The following GFRAL variants were observed in gnomAD, a reference collection of about 807,000 sequenced individuals.
GFRAL encodes GDNF family receptor alpha like.
A neutral mutation model predicts 45.4 loss-of-function variants in GFRAL; 36 were observed. The observed-to-expected ratio is 0.79, with a 90% CI of 0.61 to 1.05. The LOEUF (loss-of-function observed/expected upper bound fraction) is 1.05. GFRAL is among the 50% of genes least tolerant of loss of function. GFRAL has a pLI of 0.00. For missense variants in GFRAL, 507 were observed against 467.5 expected (o/e 1.08, Z -0.78); for synonymous variants, 166 against 154.1 (o/e 1.08, Z -0.57).
intron 6 of GFRAL, among the ~76,000 whole-genome samples, chr6:55,398,610 TAAAA>T (rs1376651175): frequency 6.6e-6 from 1 of 152,164 alleles, no homozygotes; most frequent in Admixed American, 6.5e-5. Context: ...GCATGATTTC[TAAAA>T]TTGTGAGCTA....
chr6:55,333,259 A>T (rs75182097), intron 2 of GFRAL, among the ~76,000 whole-genome samples: 2,192 of 152,238 alleles, frequency 0.014, 49 homozygotes, highest in African/African-American at 0.051. Context: ...AGGATTACAT[A>T]TTTTTAAATT....
chr6:55,333,838 C>A lies in GFRAL; in HGVS notation c.210C>A (p.Ile70=). 1 of 1,609,692 alleles carries A rather than the reference C, an allele frequency of 6.2e-7. No individual in the cohort carries two copies. The highest frequency in any genetic ancestry group is 8.5e-7 in the Non-Finnish European group (1 of 1,176,952). Residue 70 remains isoleucine (I), a synonymous_variant, in exon 3 of 9, where the codon ATC becomes ATA. Coordinates refer to ENST00000340465, the MANE Select transcript of GFRAL (RefSeq NM_207410.2). ...ATTCATCATACTGTAACCTGAGTAT[C>A]CAGTACTTAGTGGAAAGCAATTTCC... The part of the protein sequence containing the change: ...MRNSSYCNLS[I]QYLVESNFQF...
chr6:55,328,844 T>C (rs1767797103), intron 1 of GFRAL, among the ~76,000 whole-genome samples: 1 of 152,068 alleles, frequency 6.6e-6, no homozygotes, highest in Non-Finnish European at 1.5e-5. Context: ...CTATTTGATA[T>C]GTTGTACCAA....
At chr6:55,363,588 T>TG (rs1768309766) in intron 6 of GFRAL, among the ~76,000 whole-genome samples, 1 of 103,800 alleles carries the variant, frequency 9.6e-6, no homozygotes, top group Non-Finnish European at 1.9e-5. Context: ...CCCTCCCCCC[T>TG]CCCCCCACCC....
intron 3 of GFRAL, among the ~76,000 whole-genome samples, chr6:55,342,333 A>G (rs1207711565): frequency 6.6e-6 from 1 of 152,252 alleles, no homozygotes; most frequent in Non-Finnish European, 1.5e-5. Context: ...CTCTCGGCAG[A>G]AACTCTACAA....
intron 6 of GFRAL, among the ~76,000 whole-genome samples, chr6:55,369,294 CT>C (rs1403390850): frequency 6.2e-4 from 94 of 152,336 alleles, no homozygotes; most frequent in African/African-American, 2.2e-3. Context: ...CCTCGCCCTG[CT>C]TCGGCTCACG....
chr6:55,376,774 T>G (rs1562061259), intron 6 of GFRAL, among the ~76,000 whole-genome samples: 1 of 151,914 alleles, frequency 6.6e-6, no homozygotes, highest in Admixed American at 6.6e-5. Context: ...CTATTTTATC[T>G]AAAAAAATGG....
chr6:55,364,522 G>C (rs1431014084), intron 6 of GFRAL, among the ~76,000 whole-genome samples: 1 of 144,806 alleles, frequency 6.9e-6, no homozygotes, highest in Non-Finnish European at 1.5e-5. Flanking sequence ...CCATGCCTAT[G>C]TCCTGAATGG....
intron 3 of GFRAL, among the ~76,000 whole-genome samples, chr6:55,339,825 A>G (rs1562048986): frequency 1.3e-5 from 2 of 152,230 alleles, no homozygotes; most frequent in Non-Finnish European, 2.9e-5. Flanking sequence ...CTAAATTGCC[A>G]CTTTTAGCAT....
chr6:55,391,818 G>A (rs779036659), intron 6 of GFRAL, among the ~76,000 whole-genome samples: 2 of 152,120 alleles, frequency 1.3e-5, no homozygotes, highest in African/African-American at 4.8e-5. Flanking sequence ...AGTAGAGCTG[G>A]TTTTTAATCC....
chr6:55,358,805 C>T lies in GFRAL; in HGVS notation c.702-83C>T, dbSNP rs889925766. 46 of 1,333,498 alleles carry T rather than the reference C, an allele frequency of 3.4e-5. 1 individual carries two copies. The South Asian group carries it at 5.9e-4, about 17-fold the overall frequency. The allele number at this position is 1,333,498 out of a possible 1,614,324, so 82.6% of individuals were successfully genotyped here. ...ATCTCGAAGGCATTGTGTTCTATGT[C>T]TTTCATTAGGTGAGGGGGGATCACA... On this transcript the variant is annotated intron_variant, in intron 5 of 8. Transcript: ENST00000340465.
intron 6 of GFRAL, among the ~76,000 whole-genome samples, chr6:55,376,318 T>C (rs1050422628): frequency 6.6e-6 from 1 of 152,102 alleles, no homozygotes; most frequent in Admixed American, 6.6e-5. Context: ...CCTGAAGTTT[T>C]CTTATTTTTG....
At chr6:55,369,407 G>C (rs531470547) in intron 6 of GFRAL, among the ~76,000 whole-genome samples, 1 of 152,204 alleles carries the variant, frequency 6.6e-6, no homozygotes, top group Admixed American at 6.5e-5. Context: ...CATCTTCTGC[G>C]TCGCTCAGGC....
chr6:55,348,048 C>T (rs1327028200), intron 3 of GFRAL, among the ~76,000 whole-genome samples: 1 of 152,064 alleles, frequency 6.6e-6, no homozygotes, highest in Non-Finnish European at 1.5e-5. Flanking sequence ...GGAAGTACTT[C>T]TGATTCTAAT....
intron 6 of GFRAL, among the ~76,000 whole-genome samples, chr6:55,396,980 G>A (rs986721578): frequency 2.7e-5 from 4 of 149,408 alleles, no homozygotes; most frequent in African/African-American, 9.9e-5. Flanking sequence ...CTGGGCTCAA[G>A]TGATCCTCAC....
At chr6:55,350,797 A>G (rs1432444055) in intron 4 of GFRAL, among the ~76,000 whole-genome samples, 1 of 152,168 alleles carries the variant, frequency 6.6e-6, no homozygotes, top group Non-Finnish European at 1.5e-5. Flanking sequence ...GTGTATCTGT[A>G]GGAGTATAAA....
At chr6:55,356,588 G>A (rs1163707344) in intron 5 of GFRAL, among the ~76,000 whole-genome samples, 1 of 151,728 alleles carries the variant, frequency 6.6e-6, no homozygotes, top group African/African-American at 2.4e-5. Flanking sequence ...ATTTATTGAG[G>A]TCTTCTGTTT....
At chr6:55,400,997 C>G (rs1768889993) in intron 8 of GFRAL, among the ~76,000 whole-genome samples, 2 of 152,110 alleles carry the variant, frequency 1.3e-5, no homozygotes, top group Admixed American at 1.3e-4. Context: ...TTAGATACTA[C>G]TGTTTTGCTA....
At chr6:55,377,488 C>T (rs1768550402) in intron 6 of GFRAL, among the ~76,000 whole-genome samples, 1 of 152,034 alleles carries the variant, frequency 6.6e-6, no homozygotes, top group Non-Finnish European at 1.5e-5. Flanking sequence ...ACACCCTCTT[C>T]TAAGTTTACA....
Sources: allele counts gnomAD v4.1 joint callset (sites outside exome capture counted in the v4.1 genomes callset), GRCh38; gene constraint gnomAD v4.1.1; transcripts MANE v1.5; gene names NCBI Gene and HGNC (gene_info 2026-07-23, HGNC 2026-07-21).